Variants in THRB observed in about 807,000 individuals in gnomAD.
THRB encodes the protein nuclear receptor subfamily 1 group A member 2.
In THRB, 12 loss-of-function variants were observed where a neutral mutation model predicts 47.8. The observed-to-expected ratio is 0.25, with a 90% CI of 0.16 to 0.41. The LOEUF is 0.41. Among genes scored for constraint, THRB ranks in the 10% least tolerant of loss-of-function variants. The probability of loss-of-function intolerance (pLI) is 1.00; values close to 1 mark genes in which losing one functional copy is unlikely to be tolerated. For synonymous variants in THRB, 218 were observed against 212.2 expected (o/e 1.03, Z -0.24); for missense variants, 348 against 589.2 (o/e 0.59, Z 4.24).
At position 24,436,426 on chromosome 3, in the gene THRB, G is replaced by A. The variant is rs985053138; in HGVS notation, c.-261+58226C>T. On this transcript the variant is annotated intron_variant, in intron 1 of 10. Transcript: ENST00000646209. ...GATGCACGACTTGATCATGAAAGAC[G>A]GAGTCAGAACTCAAAGTTCAGGTTT... Among the ~76,000 whole-genome samples, 6 of 152,058 alleles carry A rather than the reference G, an allele frequency of 3.9e-5. No individual in the cohort carries two copies. In the East Asian group the frequency reaches 5.8e-4, roughly 15 times the overall value.
chr3:24,310,434 G>A (rs191482051), intron 2 of THRB, among the ~76,000 whole-genome samples: 2 of 152,286 alleles, frequency 1.3e-5, no homozygotes, highest in Admixed American at 1.3e-4. Context: ...CAGAACTTCA[G>A]TGACCACTCA....
At chr3:24,378,355 C>T (rs1560057706) in intron 1 of THRB, among the ~76,000 whole-genome samples, 1 of 152,142 alleles carries the variant, frequency 6.6e-6, no homozygotes, top group African/African-American at 2.4e-5. Context: ...ACCAGAAACG[C>T]TAATAAATCT....
rs1337356947 is a variant in THRB, at chr3:24,324,036, T to C, written c.-189+13264A>G. ...CTGAACACCCAATATGAAAGTTTTC[T>C]ACAATCTCCCCAGCCACCTTGGATA... On this transcript the variant is annotated intron_variant, in intron 2 of 10. Transcript: ENST00000646209. Among the ~76,000 whole-genome samples the C allele has an allele frequency of 2.0e-5, 3 of 152,184 alleles. No homozygotes were observed. The East Asian group carries it at 5.8e-4, about 29-fold the overall frequency.
intron 5 of THRB, among the ~76,000 whole-genome samples, chr3:24,157,970 G>A (rs112784002): frequency 0.019 from 2,847 of 152,308 alleles, 30 homozygotes; most frequent in Non-Finnish European, 0.026. Flanking sequence ...CAATTAGAGG[G>A]AAAACACTTG....
rs550785222 is a variant in THRB at position 24,228,995 on chromosome 3, A to G, written c.-36T>C. ...TCATTCTGGATCCCTTTTTTCACTG[A>G]CATCTCCTACAAGGAAAAAATACAA... On this transcript the variant is annotated 5_prime_UTR_variant, in exon 4 of 11. Coordinates refer to ENST00000646209, the MANE Select transcript of THRB (RefSeq NM_001354712.2). 1 of 1,563,640 alleles carries G rather than the reference A, an allele frequency of 6.4e-7. No individual in the cohort carries two copies. The highest frequency in any genetic ancestry group is 8.7e-7 in the Non-Finnish European group (1 of 1,143,700).
At chr3:24,203,087 C>G (rs1170193588) in intron 4 of THRB, among the ~76,000 whole-genome samples, 1 of 152,192 alleles carries the variant, frequency 6.6e-6, no homozygotes, top group Non-Finnish European at 1.5e-5. Flanking sequence ...CAAAATCTCT[C>G]CTGGAAAATG....
intron 1 of THRB, among the ~76,000 whole-genome samples, chr3:24,390,261 A>G (rs2066460510): frequency 6.6e-6 from 1 of 152,106 alleles, no homozygotes; most frequent in African/African-American, 2.4e-5. Flanking sequence ...CCCTCTCCCA[A>G]TCCCCACTCT....
chr3:24,446,921 A>G lies in THRB; in HGVS notation c.-261+47731T>C, dbSNP rs557996819. ...TATTTGGGTGGGCCCAAATAATCAC[A>G]GAGATCTTTACAAGGAAATAGGCAG... On this transcript the variant is annotated intron_variant, in intron 1 of 10. Coordinates refer to ENST00000646209, the MANE Select transcript of THRB (RefSeq NM_001354712.2). Among the ~76,000 whole-genome samples, 113 of 152,350 alleles carry G rather than the reference A, an allele frequency of 7.4e-4. 1 individual carries two copies. Among genetic ancestry groups the G allele is most frequent in the Non-Finnish European group, 1.1e-3 (78 of 68,030 alleles).
At chr3:24,209,562 A>G (rs931868586) in intron 4 of THRB, among the ~76,000 whole-genome samples, 7 of 152,206 alleles carry the variant, frequency 4.6e-5, no homozygotes, top group Admixed American at 2.0e-4. Flanking sequence ...ATTCTCAGCA[A>G]ACTATCACAA....
At chr3:24,380,088 A>G (rs961597499) in intron 1 of THRB, among the ~76,000 whole-genome samples, 2 of 149,846 alleles carry the variant, frequency 1.3e-5, no homozygotes, top group Non-Finnish European at 3.0e-5. Flanking sequence ...ATTAAGAAGG[A>G]AATAGGCCAC....
chr3:24,426,427 T>C (rs1459922685), intron 1 of THRB, among the ~76,000 whole-genome samples: 1 of 151,904 alleles, frequency 6.6e-6, no homozygotes, highest in Non-Finnish European at 1.5e-5. Context: ...GCTTTTTTGG[T>C]GATTCACCTC....
chr3:24,133,835 C>T (rs1306961518), intron 8 of THRB, among the ~76,000 whole-genome samples: 1 of 152,148 alleles, frequency 6.6e-6, no homozygotes, highest in Non-Finnish European at 1.5e-5. Flanking sequence ...GAGCACTGCA[C>T]ATGCTGGTGT....
intron 3 of THRB, among the ~76,000 whole-genome samples, chr3:24,258,665 C>T (rs771949673): frequency 1.2e-4 from 18 of 151,106 alleles, no homozygotes; most frequent in Middle Eastern, 3.2e-3. Context: ...TGGATCTGTG[C>T]GGGCACATCA....
chr3:24,293,453 A>G (rs985257327), intron 3 of THRB, among the ~76,000 whole-genome samples: 1 of 152,194 alleles, frequency 6.6e-6, no homozygotes. Flanking sequence ...ATTATATACT[A>G]TGTCAAACAT....
intron 1 of THRB, among the ~76,000 whole-genome samples, chr3:24,481,181 A>G (rs1234492920): frequency 6.9e-6 from 1 of 145,126 alleles, no homozygotes; most frequent in East Asian, 2.1e-4. Context: ...TGAGGAATTG[A>G]GAAGATCGTC....
chr3:24,265,062 A>G (rs2052507359), intron 3 of THRB, among the ~76,000 whole-genome samples: 1 of 152,128 alleles, frequency 6.6e-6, no homozygotes, highest in African/African-American at 2.4e-5. Flanking sequence ...CTGAGTGGAG[A>G]ACTGACCTTT....
At chr3:24,270,298 C>A (rs1357216089) in intron 3 of THRB, among the ~76,000 whole-genome samples, 2 of 152,190 alleles carry the variant, frequency 1.3e-5, no homozygotes, top group Admixed American at 1.3e-4. Flanking sequence ...TCTTTAAACA[C>A]ATTTTAATGA....
intron 1 of THRB, among the ~76,000 whole-genome samples, chr3:24,429,342 T>A (rs1042153629): frequency 6.6e-6 from 1 of 151,420 alleles, no homozygotes; most frequent in African/African-American, 2.4e-5. Flanking sequence ...ATGTAAGTTA[T>A]ATGCATATAT....
At chr3:24,487,279 AT>A (rs1053913189) in intron 1 of THRB, among the ~76,000 whole-genome samples, 1 of 152,088 alleles carries the variant, frequency 6.6e-6, no homozygotes, top group African/African-American at 2.4e-5. Flanking sequence ...AAAGTGTGAT[AT>A]AGTGAACTGT....
Sources: allele counts gnomAD v4.1 joint callset (sites outside exome capture counted in the v4.1 genomes callset), GRCh38; gene constraint gnomAD v4.1.1; transcripts MANE v1.5; gene names NCBI Gene and HGNC (gene_info 2026-07-23, HGNC 2026-07-21).